XYLT1: variants seen among roughly 807,000 people sequenced by gnomAD.
XYLT1 encodes xylosyltransferase 1, also known as beta-D-xylosyltransferase 1.
XYLT1 carries 36 observed loss-of-function variants against 91.3 expected under a neutral mutation model. The observed-to-expected ratio is 0.39, with a 90% confidence interval of 0.30 to 0.52. The LOEUF is 0.52. XYLT1 is among the 20% of genes least tolerant of loss of function. The probability of loss-of-function intolerance (pLI) is 0.68; values close to 1 mark genes in which losing one functional copy is unlikely to be tolerated. For synonymous variants in XYLT1, 588 were observed against 532.0 expected (o/e 1.11, Z -1.45); for missense variants, 1,242 against 1,284.5 (o/e 0.97, Z 0.51).
At chr16:17,198,134 T>G in intron 5 of XYLT1, 78 bp downstream of exon 5, 1 of 1,489,118 alleles carries the variant, frequency 6.7e-7, no homozygotes, top group Non-Finnish European at 9.3e-7. Flanking sequence ...AGTCTCCTTC[T>G]GCCTCGTGAG....
intron 5 of XYLT1, among the ~76,000 whole-genome samples, chr16:17,190,378 T>C (rs978420788): frequency 2.2e-4 from 33 of 152,190 alleles, no homozygotes; most frequent in African/African-American, 8.0e-4. Context: ...ATGTGCCATG[T>C]TGGTGTGCTG....
At chr16:17,218,055 C>T (rs2032893447) in intron 3 of XYLT1, among the ~76,000 whole-genome samples, 1 of 151,858 alleles carries the variant, frequency 6.6e-6, no homozygotes, top group South Asian at 2.1e-4. Context: ...GTCAGGTGTT[C>T]GAGACCAGCC....
At chr16:17,166,128 G>T (rs559457893) in intron 5 of XYLT1, among the ~76,000 whole-genome samples, 107 of 152,300 alleles carry the variant, frequency 7.0e-4, no homozygotes, top group African/African-American at 2.5e-3. Flanking sequence ...AACCACCAGC[G>T]GACCCTGGAA....
At chr16:17,245,471 A>T (rs2033421687) in intron 3 of XYLT1, among the ~76,000 whole-genome samples, 1 of 152,214 alleles carries the variant, frequency 6.6e-6, no homozygotes, top group Non-Finnish European at 1.5e-5. Flanking sequence ...GCGAAGAATA[A>T]ATTAGTTTAC....
At chr16:17,216,617 G>A (rs546766026) in intron 3 of XYLT1, among the ~76,000 whole-genome samples, 18 of 152,268 alleles carry the variant, frequency 1.2e-4, no homozygotes, top group East Asian at 3.9e-4. Flanking sequence ...TTTACTTTGC[G>A]CTGGTCACTC....
chr16:17,211,129 CAAG>C (rs551841932), intron 3 of XYLT1, among the ~76,000 whole-genome samples: 137 of 152,248 alleles, frequency 9.0e-4, no homozygotes, highest in African/African-American at 3.0e-3. Flanking sequence ...AAAAATACTA[CAAG>C]AATAATATGG....
chr16:17,221,808 T>C (rs956097138), intron 3 of XYLT1, among the ~76,000 whole-genome samples: 2 of 152,164 alleles, frequency 1.3e-5, no homozygotes, highest in African/African-American at 4.8e-5. Context: ...CTTTGTGCTT[T>C]ACATAGAGCA....
intron 1 of XYLT1, among the ~76,000 whole-genome samples, chr16:17,462,711 C>T (rs1387895257): frequency 1.3e-5 from 2 of 152,112 alleles, no homozygotes; most frequent in African/African-American, 2.4e-5. Context: ...CCATTGTCCC[C>T]GGCCAAAGAA....
intron 2 of XYLT1, among the ~76,000 whole-genome samples, chr16:17,330,231 G>C (rs1420665124): frequency 6.6e-6 from 1 of 151,976 alleles, no homozygotes. Context: ...CAACACACTC[G>C]TGCGTATAAA....
Position 17,321,084 on chromosome 16 carries a change from T to A in XYLT1, c.402+36928A>T, listed in dbSNP as rs534348227. On this transcript the variant is annotated intron_variant, in intron 2 of 11. Coordinates refer to ENST00000261381, the MANE Select transcript of XYLT1 (RefSeq NM_022166.4). ...AAGTGCTCCTCAACTCTGAGGCCCATTGGAATCACCTAGAGAGCTACGAAT... is the reference window on the plus strand; with the variant it reads ...AAGTGCTCCTCAACTCTGAGGCCCAATGGAATCACCTAGAGAGCTACGAAT... 2.0e-4 allele frequency among the ~76,000 whole-genome samples: 30 copies of A among 152,146 alleles called. No individual in the cohort carries two copies. In the South Asian group the frequency reaches 3.3e-3, roughly 17 times the overall value.
At chr16:17,458,319 T>A (rs556502317) in intron 1 of XYLT1, among the ~76,000 whole-genome samples, 1 of 152,338 alleles carries the variant, frequency 6.6e-6, no homozygotes, top group South Asian at 2.1e-4. Context: ...GACCCATTCA[T>A]CATGCTAATT....
At chr16:17,423,726 C>T (rs2141924683) in intron 1 of XYLT1, among the ~76,000 whole-genome samples, 1 of 152,056 alleles carries the variant, frequency 6.6e-6, no homozygotes, top group East Asian at 1.9e-4. Context: ...AGCGATTCTC[C>T]TGCTTCAGTC....
chr16:17,311,337 G>A (rs146811561), intron 2 of XYLT1, among the ~76,000 whole-genome samples: 6 of 152,146 alleles, frequency 3.9e-5, no homozygotes, highest in African/African-American at 9.7e-5. Flanking sequence ...GAGCAGCCTC[G>A]TGGGCTGCTC....
chr16:17,381,892 G>T (rs1387247063), intron 1 of XYLT1, among the ~76,000 whole-genome samples: 1 of 152,050 alleles, frequency 6.6e-6, no homozygotes. Context: ...AGTGGCAATG[G>T]ATGTGGGCTA....
At chr16:17,284,281 CTCAT>C (rs994014861) in intron 2 of XYLT1, among the ~76,000 whole-genome samples, 1 of 152,176 alleles carries the variant, frequency 6.6e-6, no homozygotes. Flanking sequence ...ACTTCTATTT[CTCAT>C]TCATTCATTC....
At chr16:17,278,231 A>G (rs1167487400) in intron 2 of XYLT1, among the ~76,000 whole-genome samples, 2 of 152,144 alleles carry the variant, frequency 1.3e-5, no homozygotes, top group African/African-American at 4.8e-5. Context: ...CAAAGGACCC[A>G]TGAAACACCC....
chr16:17,266,955 G>A (rs1031313598), intron 2 of XYLT1, among the ~76,000 whole-genome samples: 8 of 152,208 alleles, frequency 5.3e-5, no homozygotes, highest in Admixed American at 2.6e-4. Context: ...GAGGCCCCTC[G>A]TCCAGCTCAT....
intron 10 of XYLT1, among the ~76,000 whole-genome samples, chr16:17,123,105 C>T (rs2141490797): frequency 6.6e-6 from 1 of 152,086 alleles, no homozygotes; most frequent in African/African-American, 2.4e-5. Flanking sequence ...TTTTCTAGTT[C>T]TGTGAAGAAT....
At chr16:17,221,698 C>T (rs1250581053) in intron 3 of XYLT1, among the ~76,000 whole-genome samples, 3 of 152,078 alleles carry the variant, frequency 2.0e-5, no homozygotes, top group Non-Finnish European at 4.4e-5. Flanking sequence ...ATGATCACGC[C>T]ACTGTACTCT....
Sources: allele counts gnomAD v4.1 joint callset (sites outside exome capture counted in the v4.1 genomes callset), GRCh38; gene constraint gnomAD v4.1.1; transcripts MANE v1.5; gene names NCBI Gene and HGNC (gene_info 2026-07-23, HGNC 2026-07-21).